Variants in SYCP3 observed in about 807,000 individuals in gnomAD.
The protein encoded by SYCP3 is synaptonemal complex protein 3.
Under a neutral mutation model 38.5 loss-of-function variants are expected in SYCP3, and 29 were observed. That is an observed-to-expected ratio of 0.75 (90% CI 0.56 to 1.03). The LOEUF (loss-of-function observed/expected upper bound fraction) is 1.03. Ranked by LOEUF, SYCP3 falls within the 50% of genes least tolerant of loss-of-function variation. The pLI is 0.00. For missense variants in SYCP3, 242 were observed against 270.7 expected, an observed-to-expected ratio of 0.89 and a Z score of 0.74; for synonymous variants, 79 against 80.3, an observed-to-expected ratio of 0.98 and a Z score of 0.08.
At chr12:101,729,312 T>A in intron 7 of SYCP3, 99 bp from the exon 8 acceptor site, 2 of 1,155,488 alleles carry the variant, frequency 1.7e-6, no homozygotes, top group Non-Finnish European at 2.5e-6. Context: ...TTTTTGAATA[T>A]TCAAATGCTC....
chr12:101,739,182 CCG>C, intron 1 of SYCP3, 167 bp downstream of exon 1: 1 of 786,066 alleles, frequency 1.3e-6, no homozygotes, highest in Non-Finnish European at 1.5e-6. Flanking sequence ...CCCAGCCCGC[CCG>C]CTTTCCACTA....
chr12:101,729,632 A>G (rs2137043946), intron 7 of SYCP3: 1 of 162,642 alleles, frequency 6.1e-6, no homozygotes, highest in African/African-American at 2.4e-5. Context: ...AAAAATAAAA[A>G]TTATGTCTTA....
At position 101,731,578 on chromosome 12, in the gene SYCP3, T is replaced by G; in HGVS notation, c.542A>C (p.Gln181Pro). Residue 181 changes from glutamine to proline, a missense_variant, in exon 7 of 9, where the codon CAG becomes CCG. Physicochemically the swap from Gln to Pro is moderately conservative, Grantham distance 76. Transcript: ENST00000392924. The part of the protein sequence containing the change: ...RLKTIKQLYE[Q>P]FIKSMEELEK... ...CCACATACAACAAACCTTTATGAAC[T>G]GCTCATATAACTGTTTAATTGTTTT... 6.2e-7 allele frequency: 1 copy of G among 1,602,202 alleles called. No homozygotes were observed.
intron 4 of SYCP3, among the ~76,000 whole-genome samples, chr12:101,735,871 A>ATATATATATATTTTTTT: frequency 1.5e-4 from 11 of 74,756 alleles, no homozygotes; most frequent in African/African-American, 6.3e-4. Flanking sequence ...ATATATATAT[A>ATATATATATATTTTTTT]TTTTTTTTTT....
chr12:101,739,257 C>G, intron 1 of SYCP3, 94 bp downstream of exon 1: 1 of 998,966 alleles, frequency 1.0e-6, no homozygotes, highest in Non-Finnish European at 1.2e-6. Context: ...GTCAGAGGCC[C>G]CAGGCGACGC....
chr12:101,731,526 T>C, intron 7 of SYCP3, 42 bp downstream of exon 7: 1 of 1,318,376 alleles, frequency 7.6e-7, no homozygotes, highest in Non-Finnish European at 1.0e-6. Context: ...ATAAATATAT[T>C]ATGTTTTATA....
rs760217039 is a variant in SYCP3, at chr12:101,729,187, A to T, written c.579T>A (p.His193Gln). 6.2e-7 allele frequency: 1 copy of T among 1,613,106 alleles called. No homozygotes were observed. The highest frequency in any genetic ancestry group is 8.5e-7 in the Non-Finnish European group (1 of 1,179,526). The change falls in exon 8 of 9, where the codon CAT (histidine) becomes CAA (glutamine). Residue 193 changes from histidine (H) to glutamine (Q), a missense_variant. Physicochemically the swap from His to Gln is conservative, Grantham distance 24 (BLOSUM62 0). Transcript: ENST00000392924. Reference protein sequence around the residue: ...IKSMEELEKNHDNLLTGAQNE... With the variant: ...IKSMEELEKNQDNLLTGAQNE... Reference sequence around the variant, plus strand: ...TTTGTGCACCAGTAAGTAGATTATCATGATTCTTCTCCAACTCTTCCATAC... The same window carrying T: ...TTTGTGCACCAGTAAGTAGATTATCTTGATTCTTCTCCAACTCTTCCATAC...
chr12:101,728,749 G>T lies in SYCP3; in HGVS notation c.*178C>A. 1 of 799,796 alleles carries T rather than the reference G, an allele frequency of 1.3e-6. No homozygotes were observed. Among genetic ancestry groups the T allele is most frequent in the East Asian group, 2.7e-5 (1 of 36,756 alleles). The allele number at this position is 799,796 out of a possible 1,614,324, so 49.5% of individuals were successfully genotyped here. A position where few individuals can be genotyped will look rare whatever the true frequency, so the allele number is the denominator to read the frequency against. On this transcript the variant is annotated 3_prime_UTR_variant, in exon 9 of 9. Transcript: ENST00000392924. ...TAATACATATTCTTTAGGAATAGTTGCTAACTAACTCATAACTATTTAGAT... is the reference window on the plus strand; with the variant it reads ...TAATACATATTCTTTAGGAATAGTTTCTAACTAACTCATAACTATTTAGAT...
chr12:101,736,281 T>G (rs769922593), intron 4 of SYCP3, among the ~76,000 whole-genome samples: 1 of 152,150 alleles, frequency 6.6e-6, no homozygotes, highest in Non-Finnish European at 1.5e-5. Context: ...TATCTTTCAG[T>G]AATCATGCTG....
chr12:101,739,175 A>T (rs1952609230), intron 1 of SYCP3, 176 bp downstream of exon 1: 7 of 228,088 alleles, frequency 3.1e-5, no homozygotes, highest in Non-Finnish European at 4.8e-5. Flanking sequence ...GCCCCAGCCC[A>T]GCCCGCCCGC....
intron 2 of SYCP3, chr12:101,737,567 T>C: frequency 1.5e-6 from 1 of 665,946 alleles, no homozygotes; most frequent in Non-Finnish European, 2.5e-6. Context: ...TGGAAATAAC[T>C]GCAAAAGCAA....
chr12:101,733,717 T>C (rs775261223), intron 5 of SYCP3, 43 bp from the exon 6 acceptor site: 42 of 1,562,650 alleles, frequency 2.7e-5, no homozygotes, highest in Admixed American at 1.7e-4. Context: ...TTCATACCAA[T>C]ATAAAAAGAA....
chr12:101,734,004 G>A (rs771227497), intron 5 of SYCP3, among the ~76,000 whole-genome samples: 12 of 152,146 alleles, frequency 7.9e-5, no homozygotes, highest in Non-Finnish European at 1.3e-4. Flanking sequence ...TATAGATTCT[G>A]ATATAACAAA....
chr12:101,736,708 A>G (rs1048547058), intron 4 of SYCP3, among the ~76,000 whole-genome samples: 19 of 149,134 alleles, frequency 1.3e-4, no homozygotes, highest in South Asian at 1.1e-3. Context: ...ATGTATGTAT[A>G]TGTGTGTGTG....
Position 101,732,764 on chromosome 12 carries a change from T to A in SYCP3, c.453+811A>T, listed in dbSNP as rs1566052370. 3.3e-5 allele frequency: 5 copies of A among 152,060 alleles called. No individual in the cohort carries two copies. The East Asian group carries it at 9.6e-4, about 29-fold the overall frequency. 9.4% of individuals were successfully genotyped at this position (152,060 alleles called of 1,614,324 possible). A position where few individuals can be genotyped will look rare whatever the true frequency, so the allele number is the denominator to read the frequency against. On this transcript the variant is annotated intron_variant, in intron 6 of 8. Transcript: ENST00000392924. The stretch of plus-strand genomic sequence containing the variant: ...TCACTGCAGCCTCCGCCTCCCAGGT[T>A]CAAGTGATTCTCCCGCCTCAGCCTC...
intron 4 of SYCP3, among the ~76,000 whole-genome samples, chr12:101,735,871 A>ATATTTTTTTTTTTTT: frequency 1.2e-4 from 9 of 74,752 alleles, no homozygotes; most frequent in African/African-American, 1.9e-4. Flanking sequence ...ATATATATAT[A>ATATTTTTTTTTTTTT]TTTTTTTTTT....
intron 1 of SYCP3, 147 bp downstream of exon 1, chr12:101,739,187 TTCCACTAGGCCCTATCC>T: frequency 1.2e-6 from 1 of 828,696 alleles, no homozygotes; most frequent in Non-Finnish European, 1.5e-6. Context: ...CCCGCCCGCT[TTCCACTAGGCCCTATCC>T]TGCTCAAGGC....
chr12:101,737,274 C>CG lies in SYCP3; in HGVS notation c.157dup (p.Arg53ProfsTer2), dbSNP rs1566057410. 1.2e-6 allele frequency: 2 copies of CG among 1,604,888 alleles called. No homozygotes were observed. ...TCCTGCAGAAGACCTTTTCTTCCTA[C>CG]GTTTCTCAATGACTGCAGTCTTCCC... On this transcript the variant is annotated frameshift_variant, in exon 3 of 9. Transcript: ENST00000392924. LOFTEE classifies it high-confidence loss of function.
chr12:101,733,152 G>A (rs542584149), intron 6 of SYCP3: 12 of 166,838 alleles, frequency 7.2e-5, no homozygotes, highest in African/African-American at 2.6e-4. Context: ...CAGTCCACTG[G>A]GGTTACTAAA....
Sources: gnomAD v4.1 joint callset for allele counts (sites outside exome capture counted in the v4.1 genomes callset) on GRCh38, gnomAD v4.1.1 for gene constraint, MANE v1.5 for transcripts, NCBI Gene and HGNC (gene_info 2026-07-23, HGNC 2026-07-21) for gene names.